The following SLIT3 variants were observed in gnomAD, a reference collection of about 807,000 sequenced individuals.
SLIT3 encodes the protein slit homolog 3 protein.
A neutral mutation model predicts 184.0 loss-of-function variants in SLIT3; 68 were observed. The observed-to-expected ratio is 0.37, with a 90% CI of 0.30 to 0.45. The LOEUF (loss-of-function observed/expected upper bound fraction) is 0.45, where lower values mean the gene tolerates loss of function less well. Ranked by LOEUF, SLIT3 falls within the 20% of genes least tolerant of loss-of-function variation. The pLI, the probability that SLIT3 is intolerant of heterozygous loss-of-function variation, is 1.00. For synonymous variants in SLIT3, 831 were observed against 828.6 expected (o/e 1.00, Z -0.05); for missense variants, 1,707 against 2,026.0 (o/e 0.84, Z 3.02).
In SLIT3 at chr5:168,917,892, TG is replaced by T. The variant is rs1454371125; in HGVS notation, c.414-34557del. Among the ~76,000 whole-genome samples, 6 of 152,316 alleles carry T rather than the reference TG, an allele frequency of 3.9e-5. No individual in the cohort carries two copies. The East Asian group carries it at 1.2e-3, about 29-fold the overall frequency. On this transcript the variant is annotated intron_variant, in intron 4 of 35. Transcript: ENST00000519560. ...AGACCAACTCTGACTTAAAACAATC[TG>T]TGAATAAATAGCTCAGCCTTCCCCC...
chr5:168,843,492 G>A (rs750812486), intron 6 of SLIT3, among the ~76,000 whole-genome samples: 1 of 152,132 alleles, frequency 6.6e-6, no homozygotes, highest in Non-Finnish European at 1.5e-5. Context: ...ATCGTACCAT[G>A]GGAATTATTT....
At chr5:169,225,835 T>C (rs2113540731) in intron 3 of SLIT3, among the ~76,000 whole-genome samples, 1 of 152,232 alleles carries the variant, frequency 6.6e-6, no homozygotes, top group African/African-American at 2.4e-5. Flanking sequence ...GGAACCAAAG[T>C]TTGGTTTCTA....
chr5:169,219,160 C>G (rs959523329), intron 3 of SLIT3, among the ~76,000 whole-genome samples: 1 of 152,180 alleles, frequency 6.6e-6, no homozygotes, highest in African/African-American at 2.4e-5. Flanking sequence ...AGCTCCAGCC[C>G]TGCCCAGGGG....
In SLIT3 at chr5:168,772,929, G is replaced by A. The variant is rs1309232431; in HGVS notation, c.1311C>T (p.Asn437=). 3.7e-6 allele frequency: 6 copies of A among 1,607,528 alleles called. No individual in the cohort carries two copies. Among genetic ancestry groups the A allele is most frequent in the Non-Finnish European group, 5.1e-6 (6 of 1,176,162 alleles). ...TCAAGTGGCAGTCGCACACAAATGGGTTTTGGGCTAAGTGGCTGCGAGAGG... is the reference window on the plus strand; with the variant it reads ...TCAAGTGGCAGTCGCACACAAATGGATTTTGGGCTAAGTGGCTGCGAGAGG... ...QSIQTLHLAQ[N]PFVCDCHLKW... is the part of the protein sequence containing the mutation. Residue 437 remains asparagine (N), a synonymous_variant, in exon 14 of 36, where the codon AAC becomes AAT. Transcript: ENST00000519560.
chr5:169,081,585 A>T (rs1012299961), intron 4 of SLIT3, among the ~76,000 whole-genome samples: 3 of 151,852 alleles, frequency 2.0e-5, no homozygotes, highest in African/African-American at 7.3e-5. Flanking sequence ...CCCCGAGGAG[A>T]AGGGGATGCT....
chr5:168,844,150 ACCT>A (rs1481773921), intron 6 of SLIT3, among the ~76,000 whole-genome samples: 1 of 151,282 alleles, frequency 6.6e-6, no homozygotes, highest in Non-Finnish European at 1.5e-5. Flanking sequence ...ATTCCAGCTG[ACCT>A]CCTGGCACTA....
At chr5:169,038,892 G>A (rs1046863742) in intron 4 of SLIT3, among the ~76,000 whole-genome samples, 1 of 152,106 alleles carries the variant, frequency 6.6e-6, no homozygotes, top group African/African-American at 2.4e-5. Context: ...ATCACAAGGG[G>A]CTGGCCTGGG....
chr5:169,274,714 C>T (rs967953943), intron 1 of SLIT3, among the ~76,000 whole-genome samples: 1 of 152,186 alleles, frequency 6.6e-6, no homozygotes, highest in Non-Finnish European at 1.5e-5. Flanking sequence ...AAAACATCTC[C>T]AATCTTGACA....
chr5:169,171,160 A>G (rs1373409119), intron 4 of SLIT3, among the ~76,000 whole-genome samples: 1 of 152,184 alleles, frequency 6.6e-6, no homozygotes, highest in East Asian at 1.9e-4. Context: ...ATTTTCACTG[A>G]TTGAGGAGGA....
chr5:168,957,229 C>CA (rs369179350), intron 4 of SLIT3, among the ~76,000 whole-genome samples: 55,264 of 121,270 alleles, frequency 0.46, 12,157 homozygotes, highest in African/African-American at 0.56. Flanking sequence ...AAGTCTGTCT[C>CA]AAAAAAAAAA....
intron 5 of SLIT3, among the ~76,000 whole-genome samples, chr5:168,858,507 T>C (rs961323926): frequency 1.3e-5 from 2 of 152,222 alleles, no homozygotes; most frequent in Admixed American, 1.3e-4. Flanking sequence ...TGTTTCCAGA[T>C]CAAATGTGCT....
chr5:168,723,079 C>A, intron 21 of SLIT3, 75 bp from the exon 22 acceptor site: 1 of 982,090 alleles, frequency 1.0e-6, no homozygotes, highest in Non-Finnish European at 1.6e-6. Flanking sequence ...AAGTATCACA[C>A]ATACCTGCCA....
chr5:168,823,265 T>A lies in SLIT3; in HGVS notation c.624A>T (p.Arg208=). 1 of 1,613,588 alleles carries A rather than the reference T, an allele frequency of 6.2e-7. No homozygotes were observed. Among genetic ancestry groups the A allele is most frequent in the Non-Finnish European group, 8.5e-7 (1 of 1,179,514 alleles). The change falls in exon 7 of 36, where the codon CGA becomes CGT. Residue 208 remains arginine, a synonymous_variant. Coordinates refer to ENST00000519560, the MANE Select transcript of SLIT3 (RefSeq NM_003062.4). ...VTSFNHMPKI[R]TLRLHSNHLY... is the part of the protein sequence containing the mutation. ...TGCACAGACTTCTTACTCACAGAGTTCGGATCTTCGGCATGTGGTTGAAGC... is the reference window on the plus strand; with the variant it reads ...TGCACAGACTTCTTACTCACAGAGTACGGATCTTCGGCATGTGGTTGAAGC...
chr5:169,186,933 G>A (rs979580024), intron 4 of SLIT3, among the ~76,000 whole-genome samples: 2 of 151,978 alleles, frequency 1.3e-5, no homozygotes, highest in South Asian at 2.1e-4. Context: ...TATAGTTGTC[G>A]GGTGCCTGGG....
intron 5 of SLIT3, among the ~76,000 whole-genome samples, chr5:168,857,075 G>A (rs1297359247): frequency 2.6e-5 from 4 of 152,080 alleles, no homozygotes; most frequent in Middle Eastern, 3.4e-3. Context: ...CAGTCTCACC[G>A]AGCTAAGTAA....
chr5:169,179,051 C>T (rs965868057), intron 4 of SLIT3, among the ~76,000 whole-genome samples: 4 of 152,160 alleles, frequency 2.6e-5, no homozygotes, highest in Admixed American at 2.6e-4. Flanking sequence ...CAGCTTTATA[C>T]AACACCAAGC....
intron 4 of SLIT3, among the ~76,000 whole-genome samples, chr5:169,008,565 G>A (rs1182779439): frequency 6.6e-6 from 1 of 152,180 alleles, no homozygotes; most frequent in Non-Finnish European, 1.5e-5. Flanking sequence ...AGGGGCTCCC[G>A]GCTCAGCTAC....
At chr5:168,670,535 G>A (rs1394736820) in intron 34 of SLIT3, among the ~76,000 whole-genome samples, 2 of 152,174 alleles carry the variant, frequency 1.3e-5, no homozygotes, top group African/African-American at 4.8e-5. Flanking sequence ...CCCCTATTGA[G>A]ATGACATGCA....
intron 4 of SLIT3, among the ~76,000 whole-genome samples, chr5:169,173,292 T>C (rs958329030): frequency 1.3e-5 from 2 of 152,142 alleles, no homozygotes; most frequent in African/African-American, 4.8e-5. Context: ...TTCAGTTGGA[T>C]AGCAGAAAGT....
Sources: allele counts gnomAD v4.1 joint callset (sites outside exome capture counted in the v4.1 genomes callset), GRCh38; gene constraint gnomAD v4.1.1; transcripts MANE v1.5; gene names NCBI Gene and HGNC (gene_info 2026-07-23, HGNC 2026-07-21).